The following LEPROTL1 variants were observed in gnomAD, a reference collection of about 807,000 sequenced individuals.
LEPROTL1 encodes leptin receptor overlapping transcript like 1.
LEPROTL1 carries 6 observed loss-of-function variants against 15.4 expected under a neutral mutation model. The ratio of observed to expected loss-of-function variants is 0.39; its 90% CI spans 0.21 to 0.77. The LOEUF is 0.77. Among genes scored for constraint, LEPROTL1 ranks in the 30% least tolerant of loss-of-function variants. The probability of loss-of-function intolerance (pLI) is 0.41; values close to 1 mark genes in which losing one functional copy is unlikely to be tolerated. For missense variants in LEPROTL1, 128 were observed against 158.1 expected (o/e 0.81, Z 1.02); for synonymous variants, 56 against 52.6 (o/e 1.06, Z -0.28).
At chr8:30,098,210 T>C (rs533982060) in intron 1 of LEPROTL1, among the ~76,000 whole-genome samples, 1 of 152,364 alleles carries the variant, frequency 6.6e-6, no homozygotes, top group South Asian at 2.1e-4. Flanking sequence ...TTAGAAAATT[T>C]TGTGTCACAA....
chr8:30,103,091 T>C (rs112868325), intron 2 of LEPROTL1, among the ~76,000 whole-genome samples: 3,897 of 152,328 alleles, frequency 0.026, 67 homozygotes, highest in South Asian at 0.041. Context: ...TTTGTTGTTT[T>C]ATGCGTTATT....
intron 1 of LEPROTL1, among the ~76,000 whole-genome samples, chr8:30,097,285 T>G (rs1802380968): frequency 6.6e-6 from 1 of 152,222 alleles, no homozygotes; most frequent in African/African-American, 2.4e-5. Context: ...AGAACACTTT[T>G]AAGCAATTTA....
intron 2 of LEPROTL1, among the ~76,000 whole-genome samples, chr8:30,102,805 T>C (rs1585463224): frequency 6.6e-6 from 1 of 151,938 alleles, no homozygotes; most frequent in Admixed American, 6.6e-5. Context: ...CATAAAAATA[T>C]CCCCAGCCTC....
intron 3 of LEPROTL1, among the ~76,000 whole-genome samples, chr8:30,117,945 AAGC>A (rs1802767380): frequency 1.3e-5 from 2 of 152,114 alleles, no homozygotes; most frequent in Non-Finnish European, 2.9e-5. Flanking sequence ...AAAGTTTAAA[AAGC>A]AGGCTATAAA....
At position 30,132,339 on chromosome 8, in the gene LEPROTL1, T is replaced by C. The variant is rs1803037374; in HGVS notation, c.280-36T>C. ...ATCGAGCTGTGCTTTGGTTCCACTT[T>C]CTTGAGAACACAGATATCCTGTGGG... On this transcript the variant is annotated intron_variant, in intron 3 of 4. Coordinates refer to the LEPROTL1 transcript ENST00000442880. 4.5e-6 allele frequency: 7 copies of C among 1,551,636 alleles called. No homozygotes were observed. In the South Asian group the frequency reaches 5.9e-5, roughly 13 times the overall value.
At chr8:30,102,472 G>A (rs1802484095) in intron 2 of LEPROTL1, among the ~76,000 whole-genome samples, 1 of 151,994 alleles carries the variant, frequency 6.6e-6, no homozygotes, top group Non-Finnish European at 1.5e-5. Context: ...CTAACATGGT[G>A]AAACCCCATC....
chr8:30,129,726 C>CACACAA (rs1401883728), intron 3 of LEPROTL1, among the ~76,000 whole-genome samples: 1 of 147,774 alleles, frequency 6.8e-6, no homozygotes, highest in African/African-American at 2.5e-5. Context: ...CACACACACA[C>CACACAA]ACACACACAC....
intron 2 of LEPROTL1, among the ~76,000 whole-genome samples, chr8:30,102,245 A>G (rs1212812777): frequency 6.6e-6 from 1 of 152,142 alleles, no homozygotes; most frequent in African/African-American, 2.4e-5. Flanking sequence ...CCTCCTGCTC[A>G]GTTTTTAACA....
chr8:30,097,148 A>G (rs1049049199), intron 1 of LEPROTL1, among the ~76,000 whole-genome samples: 3 of 152,204 alleles, frequency 2.0e-5, no homozygotes, highest in Non-Finnish European at 4.4e-5. Flanking sequence ...TGCATCACTC[A>G]ATTACTGTAT....
At chr8:30,116,722 ATAAAG>A (rs1802746604) in intron 3 of LEPROTL1, among the ~76,000 whole-genome samples, 1 of 152,226 alleles carries the variant, frequency 6.6e-6, no homozygotes, top group African/African-American at 2.4e-5. Context: ...TAAACAGGTA[ATAAAG>A]TAAAGCACTT....
Position 30,106,788 on chromosome 8 carries a change from G to A in LEPROTL1, c.*926G>A. On this transcript the variant is annotated 3_prime_UTR_variant, in exon 4 of 4. Transcript: ENST00000321250. ...CACTACTGATGAGGGACAGTTGTAT[G>A]TTTGCATCATATATGCCAGAAAACC... 4 of 984,554 alleles carry A rather than the reference G, an allele frequency of 4.1e-6. No homozygotes were observed. The highest frequency in any genetic ancestry group is 4.8e-6 in the Non-Finnish European group (4 of 828,786). The allele number at this position is 984,554 out of a possible 1,614,324, so 61.0% of individuals were successfully genotyped here.
intron 1 of LEPROTL1, among the ~76,000 whole-genome samples, chr8:30,098,991 C>G (rs1463088348): frequency 6.6e-6 from 1 of 152,192 alleles, no homozygotes; most frequent in Non-Finnish European, 1.5e-5. Context: ...TTTCCTCCCT[C>G]CCCTCATACA....
At chr8:30,111,066 T>C (rs183064519), downstream of LEPROTL1, among the ~76,000 whole-genome samples, 3 of 152,358 alleles carry the variant, frequency 2.0e-5, no homozygotes, top group East Asian at 3.9e-4. Context: ...GGTTTACTTA[T>C]GTCATCTATT....
At chr8:30,132,643 CAGAA>C in intron 4 of LEPROTL1, 2 of 1,551,750 alleles carry the variant, frequency 1.3e-6, no homozygotes, top group South Asian at 2.4e-5. Context: ...GCTCAGAGCC[CAGAA>C]AGAGTGTCTG....
downstream of LEPROTL1, chr8:30,138,343 A>T: frequency 1.8e-6 from 1 of 549,408 alleles, no homozygotes; most frequent in South Asian, 2.5e-5. Context: ...GCAACACAGT[A>T]TTGTTAGCCC....
intron 4 of LEPROTL1, chr8:30,132,629 T>A: frequency 6.4e-7 from 1 of 1,551,768 alleles, no homozygotes. Context: ...TGCAGACCCC[T>A]CCAGCTCAGA....
intron 1 of LEPROTL1, among the ~76,000 whole-genome samples, chr8:30,100,218 G>T (rs1361119474): frequency 6.6e-6 from 1 of 151,864 alleles, no homozygotes; most frequent in Admixed American, 6.6e-5. Flanking sequence ...TGTTTTAGTT[G>T]TGCAGAGTAT....
chr8:30,105,839 G>T lies in LEPROTL1; in HGVS notation c.373G>T (p.Asp125Tyr). The T allele has an allele frequency of 2.6e-6, 4 of 1,551,574 alleles. No homozygotes were observed. Among genetic ancestry groups the T allele is most frequent in the Non-Finnish European group, 3.5e-6 (4 of 1,152,730 alleles). ...TTTCTTGGTCTTTGGAAGCAATGAC[G>T]ACTTCAGCTGGCAGCAGTGGTGAAA... The part of the protein sequence containing the change: ...GFFLVFGSND[D>Y]FSWQQW The change falls in exon 4 of 4, where the codon GAC (aspartate) becomes TAC (tyrosine). Residue 125 changes from aspartate (D) to tyrosine (Y), a missense_variant. Physicochemically the swap from Asp to Tyr is radical, Grantham distance 160. Coordinates refer to ENST00000321250, the MANE Select transcript of LEPROTL1 (RefSeq NM_015344.3).
At chr8:30,131,967 C>T (rs759043818) in intron 3 of LEPROTL1, 93 of 1,549,086 alleles carry the variant, frequency 6.0e-5, no homozygotes, top group Non-Finnish European at 7.7e-5. Context: ...GCTTTCTCTT[C>T]GCCAATAGCA....
Sources: gnomAD v4.1 joint callset for allele counts (sites outside exome capture counted in the v4.1 genomes callset) on GRCh38, gnomAD v4.1.1 for gene constraint, MANE v1.5 for transcripts, NCBI Gene and HGNC (gene_info 2026-07-23, HGNC 2026-07-21) for gene names.